PRPF6: variants seen among roughly 807,000 people sequenced by gnomAD.
The protein encoded by PRPF6 is pre-mRNA processing factor 6.
In PRPF6, 42 loss-of-function variants were observed where a neutral mutation model predicts 118.3. The observed-to-expected ratio is 0.35, with a 90% CI of 0.28 to 0.46. PRPF6 has a LOEUF of 0.46. Ranked by LOEUF, PRPF6 falls within the 20% of genes least tolerant of loss-of-function variation. The probability of loss-of-function intolerance (pLI) is 1.00; values close to 1 mark genes in which losing one functional copy is unlikely to be tolerated. For missense variants in PRPF6, 662 were observed against 1,255.7 expected, an observed-to-expected ratio of 0.53 and a Z score of 7.15; for synonymous variants, 481 against 485.1, an observed-to-expected ratio of 0.99 and a Z score of 0.11.
intron 7 of PRPF6, 35 bp from the exon 8 acceptor site, chr20:63,999,568 A>G (rs766509873): frequency 1.9e-6 from 3 of 1,613,278 alleles, no homozygotes; most frequent in African/African-American, 2.7e-5. Flanking sequence ...CCCTGACAGC[A>G]TGGCCTGATG....
At chr20:64,032,182 G>A in intron 20 of PRPF6, 138 bp downstream of exon 20, 2 of 1,380,490 alleles carry the variant, frequency 1.4e-6, no homozygotes, top group Non-Finnish European at 2.0e-6. Flanking sequence ...GGGTGTGTGG[G>A]GCACAGAATC....
rs986333248 is a variant in PRPF6, at chr20:63,999,208, A to G, written c.866+69A>G. On this transcript the variant is annotated intron_variant, in intron 7 of 20. Transcript: ENST00000266079. Reference sequence around the variant, plus strand: ...TTGCCTAGGGTATTTTGGATTTTATATGGACAGTATGCTGTCAAAATGGGA... The same window carrying G: ...TTGCCTAGGGTATTTTGGATTTTATGTGGACAGTATGCTGTCAAAATGGGA... The G allele has an allele frequency of 8.3e-5, 104 of 1,253,038 alleles. No individual in the cohort carries two copies. The African/African-American group carries it at 1.3e-3, about 16-fold the overall frequency. The allele number at this position is 1,253,038 out of a possible 1,614,324, so 77.6% of individuals were successfully genotyped here.
intron 2 of PRPF6, among the ~76,000 whole-genome samples, chr20:63,984,428 A>G (rs1393903588): frequency 6.6e-6 from 1 of 152,120 alleles, no homozygotes; most frequent in Non-Finnish European, 1.5e-5. Context: ...CTCAGAAAAA[A>G]AAAAAAAATT....
intron 12 of PRPF6, among the ~76,000 whole-genome samples, chr20:64,021,676 C>A (rs1351938860): frequency 3.6e-5 from 4 of 110,132 alleles, no homozygotes; most frequent in African/African-American, 1.4e-4. Flanking sequence ...AGCCCCGTGT[C>A]TGTGTGTGCG....
chr20:63,998,752 G>A (rs2123018125), intron 6 of PRPF6, among the ~76,000 whole-genome samples: 1 of 151,794 alleles, frequency 6.6e-6, no homozygotes, highest in East Asian at 2.0e-4. Context: ...TGAGGCAGGA[G>A]GATGGCGTGA....
intron 12 of PRPF6, among the ~76,000 whole-genome samples, chr20:64,019,338 T>C (rs1282320038): frequency 1.3e-5 from 2 of 152,106 alleles, no homozygotes; most frequent in African/African-American, 4.8e-5. Context: ...AACTCCTGAC[T>C]TCAGGCCATC....
chr20:63,996,134 A>G (rs1391149973), intron 6 of PRPF6, among the ~76,000 whole-genome samples: 1 of 151,826 alleles, frequency 6.6e-6, no homozygotes, highest in Non-Finnish European at 1.5e-5. Flanking sequence ...GAAGGAACAT[A>G]CTACTTTTGG....
intron 3 of PRPF6, among the ~76,000 whole-genome samples, chr20:63,987,235 G>C (rs1464830646): frequency 7.9e-5 from 12 of 151,784 alleles, no homozygotes. Context: ...AGCTGGATGG[G>C]GTGGTTCACG....
intron 11 of PRPF6, among the ~76,000 whole-genome samples, chr20:64,015,764 C>T (rs543819876): frequency 1.3e-5 from 2 of 152,330 alleles, no homozygotes; most frequent in East Asian, 3.9e-4. Context: ...AGCCAGTCAG[C>T]ACATGTTTCA....
At chr20:64,024,525 C>T in intron 13 of PRPF6, 30 bp from the exon 14 acceptor site, 3 of 1,613,070 alleles carry the variant, frequency 1.9e-6, no homozygotes, top group Non-Finnish European at 2.5e-6. Flanking sequence ...ATGGCCCTGC[C>T]TCTGGTGACC....
At chr20:63,991,689 C>T (rs1377285180) in intron 3 of PRPF6, among the ~76,000 whole-genome samples, 4 of 151,882 alleles carry the variant, frequency 2.6e-5, no homozygotes, top group African/African-American at 9.7e-5. Flanking sequence ...ACTCAGGAGG[C>T]TGAGGCACGA....
chr20:64,021,006 C>G (rs1339689644), intron 12 of PRPF6, among the ~76,000 whole-genome samples: 1 of 152,252 alleles, frequency 6.6e-6, no homozygotes, highest in Non-Finnish European at 1.5e-5. Flanking sequence ...AGGCTGATCT[C>G]AAACTCCTGA....
chr20:63,995,486 A>G lies in PRPF6; in HGVS notation c.771+4A>G. 1 of 1,613,952 alleles carries G rather than the reference A, an allele frequency of 6.2e-7. No individual in the cohort carries two copies. The highest frequency in any genetic ancestry group is 8.5e-7 in the Non-Finnish European group (1 of 1,180,002). On this transcript the variant is annotated splice_donor_region_variant and intron_variant, in intron 6 of 20. Transcript: ENST00000266079. ...GATGGACATGAGGCTGAGCCAGGTG[A>G]GTTTGTCACACAGCATTTTCCTGTG...
At chr20:64,032,363 A>G (rs1569227630) in intron 20 of PRPF6, among the ~76,000 whole-genome samples, 1 of 152,116 alleles carries the variant, frequency 6.6e-6, no homozygotes, top group Non-Finnish European at 1.5e-5. Context: ...TAGGAATGGG[A>G]ATGGAGTTGG....
In PRPF6 at chr20:64,028,054, C is replaced by T. The variant is rs115195926; in HGVS notation, c.2339+318C>T. ...AGAGCCAGCTCCACAGAGGAGGTGG[C>T]GTGGAGAGCCCTGGAGGTGGACAGG... On this transcript the variant is annotated intron_variant, in intron 17 of 20. Coordinates refer to ENST00000266079, the MANE Select transcript of PRPF6 (RefSeq NM_012469.4). The surrounding 1 kb of genome is among the most constrained non-coding windows in gnomAD (Gnocchi z 6.5). 0.023 allele frequency among the ~76,000 whole-genome samples: 3,443 copies of T among 152,142 alleles called. 134 individuals carry two copies. The highest frequency in any genetic ancestry group is 0.079 in the African/African-American group (3,274 of 41,484).
intron 13 of PRPF6, among the ~76,000 whole-genome samples, chr20:64,023,088 T>C (rs1254308883): frequency 6.6e-6 from 1 of 152,214 alleles, no homozygotes; most frequent in Non-Finnish European, 1.5e-5. Flanking sequence ...AATGATACCA[T>C]TTTCTAGCTG....
At chr20:64,008,143 A>C (rs947467313) in intron 9 of PRPF6, among the ~76,000 whole-genome samples, 1 of 152,216 alleles carries the variant, frequency 6.6e-6, no homozygotes, top group African/African-American at 2.4e-5. Context: ...CTGTCATGTC[A>C]GTACCTGCAC....
intron 3 of PRPF6, among the ~76,000 whole-genome samples, chr20:63,992,790 G>A (rs1342260198): frequency 1.3e-5 from 2 of 151,908 alleles, no homozygotes; most frequent in African/African-American, 2.4e-5. Context: ...CTGGAGTGCA[G>A]TGGTGCGATC....
At chr20:64,018,465 G>A (rs765278228) in intron 12 of PRPF6, among the ~76,000 whole-genome samples, 3 of 152,274 alleles carry the variant, frequency 2.0e-5, no homozygotes, top group South Asian at 4.2e-4. Flanking sequence ...AACTCCGACC[G>A]TCTGGTGCGG....
Sources: gnomAD v4.1 joint callset for allele counts (sites outside exome capture counted in the v4.1 genomes callset) on GRCh38, gnomAD v4.1.1 for gene constraint, Gnocchi (gnomAD v3.1) non-coding constraint, MANE v1.5 for transcripts, NCBI Gene and HGNC (gene_info 2026-07-23, HGNC 2026-07-21) for gene names.